The following HERC4 variants were observed in gnomAD, a reference collection of about 807,000 sequenced individuals.
HERC4 encodes HECT and RLD domain containing E3 ubiquitin protein ligase 4, also known as probable E3 ubiquitin-protein ligase HERC4.
Under a neutral mutation model 124.3 loss-of-function variants are expected in HERC4, and 28 were observed. That is an observed-to-expected ratio of 0.23 (90% CI 0.17 to 0.31). HERC4 has a LOEUF of 0.31. HERC4 is among the 10% of genes least tolerant of loss of function. The probability of loss-of-function intolerance (pLI) is 1.00; values close to 1 mark genes in which losing one functional copy is unlikely to be tolerated. For missense variants in HERC4, 713 were observed against 1,229.3 expected, an observed-to-expected ratio of 0.58 and a Z score of 6.28; for synonymous variants, 407 against 421.5, an observed-to-expected ratio of 0.97 and a Z score of 0.42.
At chr10:68,010,645 C>A in intron 9 of HERC4, 1 of 1,445,670 alleles carries the variant, frequency 6.9e-7, no homozygotes. Flanking sequence ...TCATTGTTGT[C>A]GGCTTCCTCC....
chr10:67,955,407 A>G (rs1261390087), intron 17 of HERC4: 3 of 235,768 alleles, frequency 1.3e-5, no homozygotes, highest in Non-Finnish European at 2.4e-5. Flanking sequence ...AAATCTGAGC[A>G]TTGGTTTTTC....
At chr10:67,962,209 A>G (rs1183370219) in intron 16 of HERC4, among the ~76,000 whole-genome samples, 1 of 128,728 alleles carries the variant, frequency 7.8e-6, no homozygotes, top group Non-Finnish European at 1.7e-5. Flanking sequence ...TACTACTAAG[A>G]AAGTTTAAAT....
intron 1 of HERC4, chr10:68,073,948 A>G (rs2041688561): frequency 6.6e-6 from 1 of 152,190 alleles, no homozygotes; most frequent in African/African-American, 2.4e-5. Flanking sequence ...CCAAAATTCA[A>G]CCTCTTTTAT....
chr10:67,941,163 A>G, intron 19 of HERC4, 58 bp from the exon 20 acceptor site: 1 of 1,219,492 alleles, frequency 8.2e-7, no homozygotes. Context: ...TAAATTTTCT[A>G]AGATTACATA....
chr10:68,072,654 A>G (rs765839510), intron 3 of HERC4, among the ~76,000 whole-genome samples: 1 of 152,078 alleles, frequency 6.6e-6, no homozygotes, highest in Non-Finnish European at 1.5e-5. Flanking sequence ...ATTGTTTTAT[A>G]TCGTCATACA....
chr10:68,054,241 A>C (rs1823669808), intron 3 of HERC4, among the ~76,000 whole-genome samples: 2 of 152,168 alleles, frequency 1.3e-5, no homozygotes, highest in South Asian at 4.1e-4. Flanking sequence ...TGCAGAGAAA[A>C]GATTGGGAAA....
At chr10:68,050,413 C>A (rs1223060503) in intron 3 of HERC4, among the ~76,000 whole-genome samples, 1 of 152,030 alleles carries the variant, frequency 6.6e-6, no homozygotes, top group Admixed American at 6.6e-5. Context: ...GTAGTTAAAG[C>A]AATGTATTAA....
chr10:67,968,569 G>A (rs1489587868), intron 15 of HERC4, among the ~76,000 whole-genome samples: 1 of 151,918 alleles, frequency 6.6e-6, no homozygotes, highest in Admixed American at 6.6e-5. Context: ...TAGAGATGGG[G>A]TTTCACCATG....
intron 9 of HERC4, among the ~76,000 whole-genome samples, chr10:68,001,197 C>CAT (rs2037209480): frequency 6.6e-6 from 1 of 151,734 alleles, no homozygotes; most frequent in Non-Finnish European, 1.5e-5. Flanking sequence ...ATAGTGAGAC[C>CAT]CCGTCTCTAC....
chr10:67,996,256 T>C (rs2036873706), intron 9 of HERC4: 6 of 315,652 alleles, frequency 1.9e-5, no homozygotes, highest in East Asian at 1.1e-4. Flanking sequence ...TGGGCAGCCT[T>C]CTTCTTCTTC....
At chr10:68,009,741 C>T (rs1337533164) in intron 9 of HERC4, among the ~76,000 whole-genome samples, 3 of 152,178 alleles carry the variant, frequency 2.0e-5, no homozygotes, top group African/African-American at 7.2e-5. Context: ...ATTTTACCCA[C>T]GGAACTGCTT....
At chr10:68,068,784 T>C (rs1165387119) in intron 3 of HERC4, 1 of 152,184 alleles carries the variant, frequency 6.6e-6, no homozygotes, top group African/African-American at 2.4e-5. Context: ...ATTTGTGAGA[T>C]TAAGGATAAA....
chr10:67,978,070 G>T (rs920156112), intron 15 of HERC4, among the ~76,000 whole-genome samples: 3 of 151,966 alleles, frequency 2.0e-5, no homozygotes, highest in African/African-American at 7.3e-5. Context: ...GAGGTCAGGA[G>T]TTTGAGACCA....
chr10:67,941,919 G>T, intron 19 of HERC4, among the ~76,000 whole-genome samples: 1 of 151,976 alleles, frequency 6.6e-6, no homozygotes, highest in Non-Finnish European at 1.5e-5. Flanking sequence ...GCCTCCCAAA[G>T]TGCTGGGATT....
At chr10:68,013,907 GCTGTTTTCACTT>G in intron 9 of HERC4, 107 bp downstream of exon 9, 2 of 764,192 alleles carry the variant, frequency 2.6e-6, no homozygotes, top group Non-Finnish European at 4.2e-6. Flanking sequence ...TCTATATTTT[GCTGTTTTCACTT>G]AACAATGTAT....
At chr10:68,010,305 G>A in intron 9 of HERC4, 1 of 959,448 alleles carries the variant, frequency 1.0e-6, no homozygotes, top group Non-Finnish European at 1.6e-6. Flanking sequence ...CCCATAGCCT[G>A]GGGTACCAAA....
intron 15 of HERC4, among the ~76,000 whole-genome samples, chr10:67,968,667 G>A (rs191587820): frequency 3.4e-4 from 51 of 152,078 alleles, no homozygotes; most frequent in Non-Finnish European, 5.4e-4. Context: ...GAGCCACCGC[G>A]CCTGGCCAGA....
intron 15 of HERC4, among the ~76,000 whole-genome samples, chr10:67,975,624 AC>A (rs540721129): frequency 6.6e-6 from 1 of 152,318 alleles, no homozygotes; most frequent in Admixed American, 6.5e-5. Flanking sequence ...TGCTGGGATT[AC>A]AGGCGTGAGC....
intron 8 of HERC4, among the ~76,000 whole-genome samples, chr10:68,016,375 A>T (rs2038266540): frequency 6.6e-6 from 1 of 152,130 alleles, no homozygotes; most frequent in Non-Finnish European, 1.5e-5. Flanking sequence ...TATTTTTGAG[A>T]TGGAGTCTCA....
Sources: gnomAD v4.1 joint callset for allele counts (sites outside exome capture counted in the v4.1 genomes callset) on GRCh38, gnomAD v4.1.1 for gene constraint, MANE v1.5 for transcripts, NCBI Gene and HGNC (gene_info 2026-07-23, HGNC 2026-07-21) for gene names.